EGFR: variants seen among roughly 807,000 people sequenced by gnomAD.
EGFR encodes the protein epidermal growth factor receptor.
EGFR carries 58 observed loss-of-function variants against 143.0 expected under a neutral mutation model. The ratio of observed to expected loss-of-function variants is 0.41; its 90% CI spans 0.33 to 0.50. EGFR has a LOEUF of 0.50. EGFR is among the 20% of genes least tolerant of loss of function. The pLI, the probability that EGFR is intolerant of heterozygous loss-of-function variation, is 0.39. For missense variants in EGFR, 1,307 were observed against 1,579.0 expected, an observed-to-expected ratio of 0.83 and a Z score of 2.92; for synonymous variants, 613 against 594.4, an observed-to-expected ratio of 1.03 and a Z score of -0.45.
intron 13 of EGFR, among the ~76,000 whole-genome samples, chr7:55,162,964 G>A (rs2128944058): frequency 6.6e-6 from 1 of 152,254 alleles, no homozygotes; most frequent in Middle Eastern, 3.4e-3. Context: ...CTAATTTTTT[G>A]TAGTTTTAGT....
intron 22 of EGFR, among the ~76,000 whole-genome samples, chr7:55,193,263 G>A (rs1392962046): frequency 6.6e-6 from 1 of 152,196 alleles, no homozygotes; most frequent in Non-Finnish European, 1.5e-5. Flanking sequence ...TGGCCCTTAT[G>A]TGTCAGAGAG....
intron 15 of EGFR, chr7:55,170,922 T>C: frequency 7.0e-7 from 1 of 1,419,684 alleles, no homozygotes; most frequent in Admixed American, 2.9e-5. Context: ...AATAACAAAC[T>C]GGCTGCTTTG....
chr7:55,044,579 G>A (rs1379923014), intron 1 of EGFR, among the ~76,000 whole-genome samples: 1 of 152,192 alleles, frequency 6.6e-6, no homozygotes, highest in Non-Finnish European at 1.5e-5. Flanking sequence ...CAGAGTCCTG[G>A]AACAGAGCAG....
intron 1 of EGFR, among the ~76,000 whole-genome samples, chr7:55,098,834 T>C (rs1791634192): frequency 6.6e-6 from 1 of 152,184 alleles, no homozygotes; most frequent in Admixed American, 6.5e-5. Flanking sequence ...GTAGTTGAAA[T>C]AGTATGTGAA....
chr7:55,157,514 A>G, intron 10 of EGFR, 149 bp from the exon 11 acceptor site: 2 of 742,636 alleles, frequency 2.7e-6, no homozygotes, highest in East Asian at 2.7e-5. Flanking sequence ...ATGTACACTC[A>G]GAGAAGATGA....
At chr7:55,203,695 A>G (rs1228248833) in intron 27 of EGFR, among the ~76,000 whole-genome samples, 1 of 147,912 alleles carries the variant, frequency 6.8e-6, no homozygotes, top group Non-Finnish European at 1.5e-5. Context: ...CACCACACAT[A>G]CACGCACCAC....
At position 55,201,258 on chromosome 7, in the gene EGFR, A is replaced by C. The variant is rs752859687; in HGVS notation, c.3017A>C (p.Asp1006Ala). 1.9e-6 allele frequency: 3 copies of C among 1,614,162 alleles called. No individual in the cohort carries two copies. In the Admixed American group the frequency reaches 5.0e-5, roughly 27 times the overall value. Reference protein sequence around the residue: ...NFYRALMDEEDMDDVVDADEY... With the variant: ...NFYRALMDEEAMDDVVDADEY... Reference sequence around the variant, plus strand: ...TACCGTGCCCTGATGGATGAAGAAGACATGGACGACGTGGTGGATGCCGAC... The same window carrying C: ...TACCGTGCCCTGATGGATGAAGAAGCCATGGACGACGTGGTGGATGCCGAC... The change falls in exon 25 of 28, where the codon GAC (aspartate) becomes GCC (alanine). Residue 1006 changes from aspartate (D) to alanine (A), a missense_variant. Transcript: ENST00000275493.
At chr7:55,181,147 T>G in intron 19 of EGFR, 146 bp from the exon 20 acceptor site, 1 of 1,011,900 alleles carries the variant, frequency 9.9e-7, no homozygotes, top group Non-Finnish European at 1.5e-6. Flanking sequence ...CTGTGCTAGG[T>G]CTTTTGCAGG....
chr7:55,203,719 TAG>T (rs2128974017), intron 27 of EGFR, among the ~76,000 whole-genome samples: 1 of 128,768 alleles, frequency 7.8e-6, no homozygotes, highest in South Asian at 2.6e-4. Context: ...TACACACACG[TAG>T]ACACACCACA....
At position 55,192,853 on chromosome 7, in the gene EGFR, T is replaced by A. The variant is rs1277174219; in HGVS notation, c.2701+12T>A. The stretch of plus-strand genomic sequence containing the variant: ...TGTCTGGAGCTACGGTGAGTCATAA[T>A]CCTGATGCTAATGAGTTTGTACTGA... On this transcript the variant is annotated intron_variant, in intron 22 of 27. Coordinates refer to ENST00000275493, the MANE Select transcript of EGFR (RefSeq NM_005228.5). 2 of 1,613,590 alleles carry A rather than the reference T, an allele frequency of 1.2e-6. No individual in the cohort carries two copies. The highest frequency in any genetic ancestry group is 1.7e-6 in the Non-Finnish European group (2 of 1,179,560).
intron 1 of EGFR, among the ~76,000 whole-genome samples, chr7:55,035,284 G>A (rs1438599266): frequency 6.6e-6 from 1 of 151,956 alleles, no homozygotes; most frequent in Non-Finnish European, 1.5e-5. Context: ...TTATTTATTT[G>A]GACTTAATAT....
chr7:55,135,255 A>T (rs1434825200), intron 1 of EGFR, among the ~76,000 whole-genome samples: 3 of 151,724 alleles, frequency 2.0e-5, no homozygotes, highest in Non-Finnish European at 4.4e-5. Flanking sequence ...AAATAAAGAG[A>T]TGTTATTTTC....
intron 1 of EGFR, among the ~76,000 whole-genome samples, chr7:55,066,092 G>A (rs1789483859): frequency 6.6e-6 from 1 of 152,114 alleles, no homozygotes; most frequent in Non-Finnish European, 1.5e-5. Context: ...AGGCGTTCGT[G>A]GTGTGTGACA....
intron 1 of EGFR, among the ~76,000 whole-genome samples, chr7:55,072,825 C>T (rs905198147): frequency 1.3e-5 from 2 of 152,098 alleles, no homozygotes; most frequent in Non-Finnish European, 2.9e-5. Context: ...GTCAGTGAAC[C>T]TGCCTTCTTT....
intron 1 of EGFR, among the ~76,000 whole-genome samples, chr7:55,091,119 C>A (rs1245354125): frequency 6.6e-6 from 1 of 152,110 alleles, no homozygotes; most frequent in Non-Finnish European, 1.5e-5. Context: ...ATATTTTCAC[C>A]CCAATTTCTA....
chr7:55,049,415 C>T (rs766867168), intron 1 of EGFR, among the ~76,000 whole-genome samples: 1 of 152,350 alleles, frequency 6.6e-6, no homozygotes, highest in East Asian at 1.9e-4. Context: ...GCCAGTCTCT[C>T]CCACTGCACT....
intron 1 of EGFR, among the ~76,000 whole-genome samples, chr7:55,071,652 C>T (rs1355439903): frequency 6.6e-6 from 1 of 152,148 alleles, no homozygotes; most frequent in Non-Finnish European, 1.5e-5. Context: ...GGTGTGCCTG[C>T]GTAGGCACAC....
In EGFR at chr7:55,165,373, C is replaced by G. The variant is rs143152775; in HGVS notation, c.1816C>G (p.Leu606Val). Reference protein sequence around the residue: ...PAGVMGENNTLVWKYADAGHV... With the variant: ...PAGVMGENNTVVWKYADAGHV... ...AGGAGTCATGGGAGAAAACAACACC[C>G]TGGTCTGGAAGTACGCAGACGCCGG... Residue 606 changes from leucine to valine, a missense_variant, in exon 15 of 28, where the codon CTG becomes GTG. Transcript: ENST00000275493. 14 of 1,614,102 alleles carry G rather than the reference C, an allele frequency of 8.7e-6. No homozygotes were observed. In the African/African-American group the frequency reaches 1.7e-4, roughly 20 times the overall value.
intron 20 of EGFR, among the ~76,000 whole-genome samples, chr7:55,188,398 C>A (rs568384537): frequency 6.6e-6 from 1 of 152,294 alleles, no homozygotes; most frequent in African/African-American, 2.4e-5. Flanking sequence ...CTCTGGGGTA[C>A]CCTGCCAGAA....
Sources: gnomAD v4.1 joint callset for allele counts (sites outside exome capture counted in the v4.1 genomes callset) on GRCh38, gnomAD v4.1.1 for gene constraint, MANE v1.5 for transcripts, NCBI Gene and HGNC (gene_info 2026-07-23, HGNC 2026-07-21) for gene names.